Variants in GRIK1 observed in about 807,000 individuals in gnomAD.
The protein encoded by GRIK1 is glutamate ionotropic receptor kainate type subunit 1, also known as glutamate receptor ionotropic, kainate 1.
A neutral mutation model predicts 105.7 loss-of-function variants in GRIK1; 69 were observed. The observed-to-expected ratio is 0.65, with a 90% CI of 0.54 to 0.80. The LOEUF is 0.80. Among genes scored for constraint, GRIK1 ranks in the 30% least tolerant of loss-of-function variants. The pLI, the probability that GRIK1 is intolerant of heterozygous loss-of-function variation, is 0.00. For missense variants in GRIK1, 1,109 were observed against 1,167.3 expected (o/e 0.95, Z 0.73); for synonymous variants, 438 against 431.3 (o/e 1.02, Z -0.19).
chr21:29,898,048 T>C (rs968627939), intron 1 of GRIK1, among the ~76,000 whole-genome samples: 2 of 152,218 alleles, frequency 1.3e-5, no homozygotes, highest in African/African-American at 4.8e-5. Context: ...TTCATGTCTT[T>C]AGCTTCTTCG....
At chr21:29,740,954 G>A (rs546881220) in intron 1 of GRIK1, among the ~76,000 whole-genome samples, 2 of 152,258 alleles carry the variant, frequency 1.3e-5, no homozygotes, top group South Asian at 2.1e-4. Context: ...AGATGACTAC[G>A]GAAGCTGAAG....
At chr21:29,765,920 C>T (rs1034968691) in intron 1 of GRIK1, among the ~76,000 whole-genome samples, 5 of 151,852 alleles carry the variant, frequency 3.3e-5, no homozygotes, top group Admixed American at 1.3e-4. Flanking sequence ...GGCGCGATCT[C>T]GGCTCATTGC....
chr21:29,576,657 AT>A, intron 14 of GRIK1, among the ~76,000 whole-genome samples: 1 of 151,718 alleles, frequency 6.6e-6, no homozygotes, highest in East Asian at 1.9e-4. Context: ...GTTAGATTGT[AT>A]TCAGATTTTT....
intron 3 of GRIK1, among the ~76,000 whole-genome samples, chr21:29,679,435 A>G (rs1161046267): frequency 6.6e-6 from 1 of 151,994 alleles, no homozygotes; most frequent in African/African-American, 2.4e-5. Context: ...TCCTTGATGT[A>G]CTCATCCCGT....
At chr21:29,763,287 C>G (rs937063280) in intron 1 of GRIK1, among the ~76,000 whole-genome samples, 2 of 152,180 alleles carry the variant, frequency 1.3e-5, no homozygotes, top group Admixed American at 1.3e-4. Flanking sequence ...GCCTGCTTCC[C>G]CTTTGCCTTC....
At chr21:29,857,517 GA>G (rs1232503112) in intron 1 of GRIK1, among the ~76,000 whole-genome samples, 1 of 152,136 alleles carries the variant, frequency 6.6e-6, no homozygotes, top group Non-Finnish European at 1.5e-5. Context: ...TGAAAACAGT[GA>G]GTTAAAACAC....
At chr21:29,693,516 C>T (rs549952068) in intron 2 of GRIK1, among the ~76,000 whole-genome samples, 5 of 152,236 alleles carry the variant, frequency 3.3e-5, no homozygotes, top group Non-Finnish European at 1.5e-5. Context: ...TATGTGTGTC[C>T]TGGGCATTTC....
At chr21:29,875,140 C>T (rs1448346585) in intron 1 of GRIK1, among the ~76,000 whole-genome samples, 1 of 151,872 alleles carries the variant, frequency 6.6e-6, no homozygotes, top group Non-Finnish European at 1.5e-5. Flanking sequence ...ACCACTTTAT[C>T]AATACTCCTT....
chr21:29,571,873 G>A (rs2090758233), intron 14 of GRIK1, among the ~76,000 whole-genome samples: 1 of 152,192 alleles, frequency 6.6e-6, no homozygotes, highest in Non-Finnish European at 1.5e-5. Context: ...TTTCTCATTA[G>A]AAGTTTCCTT....
intron 16 of GRIK1, among the ~76,000 whole-genome samples, chr21:29,554,488 T>G (rs1378982803): frequency 6.6e-6 from 1 of 152,114 alleles, no homozygotes; most frequent in African/African-American, 2.4e-5. Flanking sequence ...AAAAATAAAG[T>G]CTCATATACA....
At chr21:29,906,303 AT>A (rs2070638136) in intron 1 of GRIK1, among the ~76,000 whole-genome samples, 1 of 152,234 alleles carries the variant, frequency 6.6e-6, no homozygotes, top group Non-Finnish European at 1.5e-5. Flanking sequence ...AAAGCTATAT[AT>A]TTTATATCAA....
chr21:29,581,409 T>G lies in GRIK1; in HGVS notation c.1912+16A>C. ...CACTGTGGGATGCGTGTGACAAAGATAGGCAACCGGTGTACCTTGCTGCAT... is the reference window on the plus strand; with the variant it reads ...CACTGTGGGATGCGTGTGACAAAGAGAGGCAACCGGTGTACCTTGCTGCAT... On this transcript the variant is annotated intron_variant, in intron 13 of 17. Coordinates refer to ENST00000327783, the MANE Select transcript of GRIK1 (RefSeq NM_001330994.2). 1 of 1,457,578 alleles carries G rather than the reference T, an allele frequency of 6.9e-7. No individual in the cohort carries two copies. The highest frequency in any genetic ancestry group is 1.1e-5 in the South Asian group (1 of 87,840). The allele number at this position is 1,457,578 out of a possible 1,614,324, so 90.3% of individuals were successfully genotyped here. A position where few individuals can be genotyped will look rare whatever the true frequency, so the allele number is the denominator to read the frequency against.
At chr21:29,803,423 A>G (rs369115945) in intron 1 of GRIK1, among the ~76,000 whole-genome samples, 3 of 152,274 alleles carry the variant, frequency 2.0e-5, no homozygotes, top group Middle Eastern at 3.4e-3. Context: ...CATTCTTTAC[A>G]TTTCCTGCCT....
At chr21:29,560,574 T>TCTCTCTCTCTCTC (rs2090450222) in intron 15 of GRIK1, among the ~76,000 whole-genome samples, 2 of 124,176 alleles carry the variant, frequency 1.6e-5, no homozygotes, top group East Asian at 2.2e-4. Context: ...CTTTCTTTCT[T>TCTCTCTCTCTCTC]TCTCTCTTTC....
chr21:29,800,497 C>A (rs779276260), intron 1 of GRIK1, among the ~76,000 whole-genome samples: 15 of 152,122 alleles, frequency 9.9e-5, no homozygotes, highest in Non-Finnish European at 2.1e-4. Flanking sequence ...AGAGTATGTA[C>A]CCAGGTCTTG....
At chr21:29,728,962 C>A (rs1242074412) in intron 1 of GRIK1, among the ~76,000 whole-genome samples, 1 of 152,072 alleles carries the variant, frequency 6.6e-6, no homozygotes, top group East Asian at 1.9e-4. Context: ...AGAGGCGATA[C>A]CATATAAGTA....
intron 1 of GRIK1, among the ~76,000 whole-genome samples, chr21:29,835,528 A>G (rs1309634759): frequency 6.6e-6 from 1 of 152,192 alleles, no homozygotes; most frequent in Non-Finnish European, 1.5e-5. Context: ...AGAGTTTGCT[A>G]GAGCCTCTGA....
At position 29,761,565 on chromosome 21, in the gene GRIK1, T is replaced by A. The variant is rs570373152; in HGVS notation, c.119-67502A>T. 7.2e-5 allele frequency: 11 copies of A among 152,308 alleles called. No homozygotes were observed. In the East Asian group the frequency reaches 1.9e-3, roughly 27 times the overall value. 9.4% of individuals were successfully genotyped at this position (152,308 alleles called of 1,614,324 possible). On this transcript the variant is annotated intron_variant, in intron 1 of 17. Coordinates refer to ENST00000327783, the MANE Select transcript of GRIK1 (RefSeq NM_001330994.2). ...AAATCATGCTATATATTAAGATAAA[T>A]ATTTTTTAGAAAAAGTTCTTATATT...
chr21:29,613,620 C>G (rs566753750), intron 7 of GRIK1, among the ~76,000 whole-genome samples: 1 of 152,046 alleles, frequency 6.6e-6, no homozygotes, highest in African/African-American at 2.4e-5. Flanking sequence ...CCATCCACCA[C>G]CCATATACAG....
Sources: allele counts gnomAD v4.1 joint callset (sites outside exome capture counted in the v4.1 genomes callset), GRCh38; gene constraint gnomAD v4.1.1; transcripts MANE v1.5; gene names NCBI Gene and HGNC (gene_info 2026-07-23, HGNC 2026-07-21).